Variants in MRPL43 observed in about 807,000 individuals in gnomAD.
MRPL43 encodes the protein mitochondrial ribosomal protein L43.
MRPL43 carries 9 observed loss-of-function variants against 12.7 expected under a neutral mutation model. That is an observed-to-expected ratio of 0.71 (90% CI 0.43 to 1.24). The LOEUF (loss-of-function observed/expected upper bound fraction) is 1.24, where lower values mean the gene tolerates loss of function less well. MRPL43 is among the 50% of genes most tolerant of loss of function. The pLI, the probability that MRPL43 is intolerant of heterozygous loss-of-function variation, is 0.00. For missense variants in MRPL43, 211 were observed against 229.2 expected (o/e 0.92, Z 0.51); for synonymous variants, 116 against 96.4 (o/e 1.20, Z -1.19).
downstream of MRPL43, chr10:100,981,449 G>T: frequency 6.2e-7 from 1 of 1,614,184 alleles, no homozygotes; most frequent in Non-Finnish European, 8.5e-7. Context: ...GAAGTGTCTT[G>T]TCACTTCTGG....
chr10:100,980,934 G>T (rs1851038668), downstream of MRPL43: 1 of 1,611,212 alleles, frequency 6.2e-7, no homozygotes, highest in East Asian at 2.2e-5. Context: ...TACTGTGGCT[G>T]GGACCCTGGC....
downstream of MRPL43, chr10:100,978,454 C>T (rs968691423): frequency 1.3e-6 from 2 of 1,594,228 alleles, no homozygotes; most frequent in African/African-American, 1.3e-5. Context: ...TCTCTAGGAC[C>T]TGCCACCATG....
In MRPL43 at chr10:100,987,478, G is replaced by T. The variant is rs773749824; in HGVS notation, c.-35C>A. 1.9e-6 allele frequency: 3 copies of T among 1,605,864 alleles called. No individual in the cohort carries two copies. The highest frequency in any genetic ancestry group is 1.7e-5 in the Admixed American group (1 of 59,522). On this transcript the variant is annotated 5_prime_UTR_variant, in exon 1 of 3. Coordinates refer to ENST00000318364, the MANE Select transcript of MRPL43 (RefSeq NM_032112.3). ...TTGGAGGCCGCGGAGCCTAAGCAGC[G>T]AGGAGAGGGGGGCGGGACTAAACCT... is the stretch of plus-strand genomic sequence containing the variant.
chr10:100,985,011 CCTGT>C (rs1851367609), downstream of MRPL43: 2 of 1,192,024 alleles, frequency 1.7e-6, no homozygotes, highest in African/African-American at 1.5e-5. Flanking sequence ...CTGTCTTGGA[CCTGT>C]CTGTTGGGTT....
intron 1 of MRPL43, 43 bp downstream of exon 1, chr10:100,987,270 C>A: frequency 6.2e-7 from 1 of 1,611,930 alleles, no homozygotes; most frequent in Non-Finnish European, 8.5e-7. Flanking sequence ...TTGCCACCTC[C>A]ACACCCACCC....
Position 100,986,686 on chromosome 10 carries a change from C to A in MRPL43, c.*48G>T. On this transcript the variant is annotated 3_prime_UTR_variant, in exon 3 of 3. Coordinates refer to ENST00000318364, the MANE Select transcript of MRPL43 (RefSeq NM_032112.3). Reference sequence around the variant, plus strand: ...TCCCAAAGGGGAAGAACCACCTTTACCGGAGTAACAGTCCAAAGCCTGGGG... The same window carrying A: ...TCCCAAAGGGGAAGAACCACCTTTAACGGAGTAACAGTCCAAAGCCTGGGG... 1 of 1,613,816 alleles carries A rather than the reference C, an allele frequency of 6.2e-7. No individual in the cohort carries two copies. Among genetic ancestry groups the A allele is most frequent in the Non-Finnish European group, 8.5e-7 (1 of 1,179,864 alleles).
At chr10:100,985,050 G>A, downstream of MRPL43, 2 of 795,300 alleles carry the variant, frequency 2.5e-6, no homozygotes, top group Admixed American at 3.2e-5. Context: ...TTCAGAGGGA[G>A]ATCCCCCTCC....
Position 100,986,745 on chromosome 10 carries a change from G to T in MRPL43, c.469C>A (p.Gln157Lys). Residue 157 changes from glutamine (Q) to lysine (K), a missense_variant, in exon 3 of 3, where the codon CAA (glutamine) becomes AAA (lysine). Gln to Lys is a moderately conservative substitution (Grantham distance 53). Coordinates refer to ENST00000318364, the MANE Select transcript of MRPL43 (RefSeq NM_032112.3). ...GGTGGGGCAACTCTTCACTGTGCTT[G>T]CACCTGGGCTGGGGCAGGATCCTGA... ...EVQDPAPAQV[Q>K]AQ 1.9e-6 allele frequency: 3 copies of T among 1,613,932 alleles called. No homozygotes were observed. Among genetic ancestry groups the T allele is most frequent in the South Asian group, 2.2e-5 (2 of 91,086 alleles).
chr10:100,984,663 C>A, downstream of MRPL43: 1 of 1,536,292 alleles, frequency 6.5e-7, no homozygotes, highest in Non-Finnish European at 8.7e-7. Context: ...CCACCCTCAC[C>A]TTCTCCTGGT....
chr10:100,981,146 A>C, downstream of MRPL43: 2 of 1,614,098 alleles, frequency 1.2e-6, no homozygotes, highest in Non-Finnish European at 8.5e-7. Context: ...CCTTGTTCAT[A>C]AAACCTGATC....
chr10:100,984,093 A>C (rs1287154805), downstream of MRPL43: 3 of 1,613,286 alleles, frequency 1.9e-6, no homozygotes, highest in African/African-American at 4.0e-5. Context: ...AAGGAAGCAC[A>C]CGCAGCTCGT....
downstream of MRPL43, chr10:100,981,012 G>C: frequency 6.3e-7 from 1 of 1,593,164 alleles, no homozygotes; most frequent in Non-Finnish European, 8.5e-7. Flanking sequence ...GAAGTGGTGG[G>C]GGGTGACAGT....
At chr10:100,984,905 C>G (rs1217254719), downstream of MRPL43, 15 of 1,453,380 alleles carry the variant, frequency 1.0e-5, no homozygotes, top group Non-Finnish European at 1.1e-5. Context: ...AGACAGAGCT[C>G]CAGGCATGTC....
downstream of MRPL43, chr10:100,978,346 T>A: frequency 6.2e-7 from 1 of 1,613,742 alleles, no homozygotes; most frequent in Non-Finnish European, 8.5e-7. Context: ...GAAGGAGAAG[T>A]GTCCTTATGA....
At chr10:100,980,082 G>A (rs750448025), downstream of MRPL43, 57 of 1,613,174 alleles carry the variant, frequency 3.5e-5, 1 homozygote, top group South Asian at 6.0e-4. Context: ...CAGGCAGGTG[G>A]TGGAGTCCCG....
At chr10:100,984,784 G>A, downstream of MRPL43, 1 of 1,535,882 alleles carries the variant, frequency 6.5e-7, no homozygotes, top group Non-Finnish European at 8.7e-7. Context: ...AAGAGCTTGG[G>A]AACGGGCCAG....
At position 100,986,298 on chromosome 10, in the gene MRPL43, C is replaced by G; in HGVS notation, c.*436G>C. On this transcript the variant is annotated 3_prime_UTR_variant, in exon 3 of 3. Transcript: ENST00000318364. The stretch of plus-strand genomic sequence containing the variant: ...ATGTGACCTTGGATAAGTTTATTAA[C>G]CTGTTTTATAAATCTGTATTCACAC... The G allele has an allele frequency of 1.4e-6, 2 of 1,381,534 alleles. No individual in the cohort carries two copies. The highest frequency in any genetic ancestry group is 9.3e-7 in the Non-Finnish European group (1 of 1,073,756). 85.6% of individuals were successfully genotyped at this position (1,381,534 alleles called of 1,614,324 possible). A position where few individuals can be genotyped will look rare whatever the true frequency, so the allele number is the denominator to read the frequency against.
rs1169268929 is a variant in MRPL43 at position 100,986,841 on chromosome 10, T to C, written c.373A>G (p.Ser125Gly). The C allele has an allele frequency of 6.2e-7, 1 of 1,613,798 alleles. No individual in the cohort carries two copies. The change falls in exon 3 of 3, where the codon AGC becomes GGC. Residue 125 changes from serine to glycine, a missense_variant. Transcript: ENST00000318364. ...AAGGGGTGCCACTGGCCCTGGATGC[T>C]AGGGTTGTCGGTGTGGAAGGGCTTG... ...IRKPFHTDNP[S>G]IQGQWHPFTN...
At chr10:100,983,532 C>T (rs866091256), downstream of MRPL43, 19 of 1,614,014 alleles carry the variant, frequency 1.2e-5, no homozygotes, top group Non-Finnish European at 1.3e-5. Flanking sequence ...AAATGGCCTC[C>T]GCACCCTGCT....
Sources: gnomAD v4.1 joint callset for allele counts on GRCh38, gnomAD v4.1.1 for gene constraint, MANE v1.5 for transcripts, NCBI Gene and HGNC (gene_info 2026-07-23, HGNC 2026-07-21) for gene names.